Variants in SHLD1 observed in about 807,000 individuals in gnomAD.
SHLD1 encodes the protein shieldin complex subunit 1.
Under a neutral mutation model 5.5 loss-of-function variants are expected in SHLD1, and 3 were observed. The observed-to-expected ratio is 0.54, with a 90% CI of 0.25 to 1.40. The LOEUF (loss-of-function observed/expected upper bound fraction) is 1.40, where lower values mean the gene tolerates loss of function less well. SHLD1 is among the 40% of genes most tolerant of loss of function. The pLI is 0.15. For synonymous variants in SHLD1, 92 were observed against 94.3 expected, an observed-to-expected ratio of 0.98 and a Z score of 0.14; for missense variants, 210 against 244.4, an observed-to-expected ratio of 0.86 and a Z score of 0.94.
rs149975918 is a variant in SHLD1, at chr20:5,845,088, G to A, written c.179-17936G>A. Among the ~76,000 whole-genome samples, 1,226 of 152,040 alleles carry A rather than the reference G, an allele frequency of 8.1e-3. 16 individuals carry two copies. The highest frequency in any genetic ancestry group is 0.024 in the African/African-American group (1,007 of 41,472). On this transcript the variant is annotated intron_variant, in intron 2 of 2. Transcript: ENST00000303142. ...GGTGAGCTTACAGGCATGAGCCACCGTGCCCAGCCAGACATATATTAATAG... is the reference window on the plus strand; with the variant it reads ...GGTGAGCTTACAGGCATGAGCCACCATGCCCAGCCAGACATATATTAATAG...
At chr20:5,817,807 G>A (rs925236776) in intron 2 of SHLD1, among the ~76,000 whole-genome samples, 1 of 152,170 alleles carries the variant, frequency 6.6e-6, no homozygotes, top group African/African-American at 2.4e-5. Flanking sequence ...CCAGGACTCA[G>A]CTTCAGAAAT....
intron 2 of SHLD1, among the ~76,000 whole-genome samples, chr20:5,848,913 C>A (rs985873172): frequency 2.0e-5 from 3 of 152,152 alleles, no homozygotes; most frequent in Non-Finnish European, 4.4e-5. Flanking sequence ...CTGAGTGATT[C>A]ATCCAGTTTG....
In SHLD1 at chr20:5,826,686, G is replaced by T. The variant is rs73596842; in HGVS notation, c.179-36338G>T. On this transcript the variant is annotated intron_variant, in intron 2 of 2. Coordinates refer to ENST00000303142, the MANE Select transcript of SHLD1 (RefSeq NM_152504.4). Reference sequence around the variant, plus strand: ...ATGACTCTGGTACCGGACTCTCCTGGGTTTGAATCTGAACTTCACCACTTA... The same window carrying T: ...ATGACTCTGGTACCGGACTCTCCTGTGTTTGAATCTGAACTTCACCACTTA... Among the ~76,000 whole-genome samples, 1,016 of 152,198 alleles carry T rather than the reference G, an allele frequency of 6.7e-3. 7 individuals are homozygous for T. Among genetic ancestry groups the T allele is most frequent in the African/African-American group, 0.024 (984 of 41,514 alleles).
chr20:5,859,522 GATGC>G (rs2088133108), intron 2 of SHLD1, among the ~76,000 whole-genome samples: 1 of 152,120 alleles, frequency 6.6e-6, no homozygotes, highest in Non-Finnish European at 1.5e-5. Flanking sequence ...TAACTGGGAG[GATGC>G]ATCACTGAGC....
chr20:5,807,579 C>T (rs963123816), intron 2 of SHLD1, among the ~76,000 whole-genome samples: 3 of 152,094 alleles, frequency 2.0e-5, no homozygotes, highest in Non-Finnish European at 1.5e-5. Context: ...CGTCATGTTG[C>T]CCAGGCTGGT....
chr20:5,845,000 G>A (rs992773065), intron 2 of SHLD1, among the ~76,000 whole-genome samples: 39 of 151,566 alleles, frequency 2.6e-4, no homozygotes, highest in African/African-American at 6.5e-4. Flanking sequence ...GTTTCACCAC[G>A]TTGGCCAGGC....
chr20:5,750,631 A>G lies in SHLD1; in HGVS notation c.-5+152A>G, dbSNP rs1057270415. 4.9e-4 allele frequency among the ~76,000 whole-genome samples: 74 copies of G among 152,160 alleles called. 1 individual carries two copies. Among genetic ancestry groups the G allele is most frequent in the African/African-American group, 1.7e-4 (7 of 41,498 alleles). On this transcript the variant is annotated intron_variant, in intron 1 of 2. Coordinates refer to ENST00000303142, the MANE Select transcript of SHLD1 (RefSeq NM_152504.4). ...AGCTCCCCGCCCCTTCCGCCCCAACACACGGTGTCTGCAGCCTGTGCTTTG... is the reference window on the plus strand; with the variant it reads ...AGCTCCCCGCCCCTTCCGCCCCAACGCACGGTGTCTGCAGCCTGTGCTTTG...
At chr20:5,811,040 A>G (rs2087451938) in intron 2 of SHLD1, among the ~76,000 whole-genome samples, 1 of 152,224 alleles carries the variant, frequency 6.6e-6, no homozygotes, top group African/African-American at 2.4e-5. Context: ...TTTTCCAGCA[A>G]CAGTAATATA....
At chr20:5,845,369 C>T (rs1452443524) in intron 2 of SHLD1, among the ~76,000 whole-genome samples, 2 of 152,192 alleles carry the variant, frequency 1.3e-5, no homozygotes, top group African/African-American at 2.4e-5. Flanking sequence ...TGTGAAGTAA[C>T]TTGCCCAGGA....
rs1210032820 is a variant in SHLD1, at chr20:5,817,428, CTCTCTGTGTGTG to C, written c.178+44387_178+44398del. Among the ~76,000 whole-genome samples the C allele has an allele frequency of 4.5e-3, 501 of 111,840 alleles. 1 individual carries two copies. The highest frequency in any genetic ancestry group is 9.1e-3 in the South Asian group (34 of 3,722). 73.4% of individuals were successfully genotyped at this position (111,840 alleles called of 152,430 possible). ...TCTCTCTCTCTCTCTCTCTCTCTCTCTCTCTGTGTGTGTGTGTGTGTGTGTGTGTGTGTGTGT... is the reference window on the plus strand; with the variant it reads ...TCTCTCTCTCTCTCTCTCTCTCTCTCTGTGTGTGTGTGTGTGTGTGTGTGT... On this transcript the variant is annotated intron_variant, in intron 2 of 2. Transcript: ENST00000303142.
intron 2 of SHLD1, among the ~76,000 whole-genome samples, chr20:5,860,678 C>G (rs1171929560): frequency 6.6e-6 from 1 of 151,850 alleles, no homozygotes; most frequent in Non-Finnish European, 1.5e-5. Flanking sequence ...TTTCACAAAC[C>G]TGGCACTTCT....
chr20:5,752,440 CT>C (rs1375469714), intron 1 of SHLD1, among the ~76,000 whole-genome samples: 1 of 151,318 alleles, frequency 6.6e-6, no homozygotes, highest in Non-Finnish European at 1.5e-5. Context: ...GTAAATGTCT[CT>C]TTTTGGAAAT....
At chr20:5,846,624 G>A (rs539344636) in intron 2 of SHLD1, among the ~76,000 whole-genome samples, 2 of 152,216 alleles carry the variant, frequency 1.3e-5, no homozygotes, top group Non-Finnish European at 2.9e-5. Flanking sequence ...AAGTGTTTCA[G>A]TGAAGCTCCT....
chr20:5,812,076 T>TTTC (rs759478866), intron 2 of SHLD1, among the ~76,000 whole-genome samples: 1,929 of 150,678 alleles, frequency 0.013, 18 homozygotes, highest in African/African-American at 0.02. Flanking sequence ...TTTCTTTTTT[T>TTTC]TTTCTTTTTT....
Position 5,783,649 on chromosome 20 carries a change from T to G in SHLD1, c.178+10606T>G, listed in dbSNP as rs115059071. ...AATTTTAATTGTATGGCCTGAGGCGTGAAGGATAAACCATAAGTGTATATG... is the reference window on the plus strand; with the variant it reads ...AATTTTAATTGTATGGCCTGAGGCGGGAAGGATAAACCATAAGTGTATATG... On this transcript the variant is annotated intron_variant, in intron 2 of 2. Transcript: ENST00000303142. Among the ~76,000 whole-genome samples, 1,012 of 152,288 alleles carry G rather than the reference T, an allele frequency of 6.6e-3. 10 individuals carry two copies. The highest frequency in any genetic ancestry group is 0.023 in the African/African-American group (954 of 41,552).
intron 2 of SHLD1, among the ~76,000 whole-genome samples, chr20:5,835,174 G>A (rs924726413): frequency 6.6e-6 from 1 of 152,152 alleles, no homozygotes. Context: ...CCTCTACACT[G>A]CTGGCTAGGG....
rs375697895 is a variant in SHLD1 at position 5,863,338 on chromosome 20, A to G, written c.493A>G (p.Arg165Gly). ...CTGCTCCGTCTTACAGAGGCATTCC[A>G]GGGACACCCACTTCTACCCACTGGA... The part of the protein sequence containing the change: ...DGCSVLQRHS[R>G]DTHFYPLEEG... Residue 165 changes from arginine (R) to glycine (G), a missense_variant, in exon 3 of 3, where the codon AGG becomes GGG. Arg to Gly is a moderately radical substitution (Grantham distance 125). Coordinates refer to ENST00000303142, the MANE Select transcript of SHLD1 (RefSeq NM_152504.4). 8.1e-6 allele frequency: 13 copies of G among 1,614,228 alleles called. No homozygotes were observed. The highest frequency in any genetic ancestry group is 6.7e-5 in the East Asian group (3 of 44,890).
At chr20:5,854,378 A>G (rs1486313874) in intron 2 of SHLD1, among the ~76,000 whole-genome samples, 1 of 151,804 alleles carries the variant, frequency 6.6e-6, no homozygotes, top group Non-Finnish European at 1.5e-5. Context: ...AAACTCCTGA[A>G]CTCACGTGAT....
intron 2 of SHLD1, among the ~76,000 whole-genome samples, chr20:5,857,797 CA>C (rs1473510584): frequency 6.6e-6 from 1 of 150,844 alleles, no homozygotes; most frequent in Non-Finnish European, 1.5e-5. Flanking sequence ...GACAACAGAG[CA>C]AAACCCTGTC....
Sources: allele counts gnomAD v4.1 joint callset (sites outside exome capture counted in the v4.1 genomes callset), GRCh38; gene constraint gnomAD v4.1.1; transcripts MANE v1.5; gene names NCBI Gene and HGNC (gene_info 2026-07-23, HGNC 2026-07-21).